The following EDNRB variants were observed in gnomAD, a reference collection of about 807,000 sequenced individuals.
EDNRB encodes the protein endothelin receptor type B, also known as Hirschsprung disease 2.
A neutral mutation model predicts 46.4 loss-of-function variants in EDNRB; 18 were observed. The ratio of observed to expected loss-of-function variants is 0.39; its 90% confidence interval spans 0.27 to 0.57. EDNRB has a LOEUF of 0.57. EDNRB is among the 20% of genes least tolerant of loss of function. The pLI is 0.61. For synonymous variants in EDNRB, 213 were observed against 204.9 expected, an observed-to-expected ratio of 1.04 and a Z score of -0.34; for missense variants, 434 against 537.5, an observed-to-expected ratio of 0.81 and a Z score of 1.90.
chr13:77,931,030 C>G (rs1369870025), intron 1 of EDNRB, among the ~76,000 whole-genome samples: 1 of 152,170 alleles, frequency 6.6e-6, no homozygotes, highest in African/African-American at 2.4e-5. Context: ...AACAGGAATT[C>G]GGTCTCCAGA....
At chr13:77,913,305 T>C (rs1403862192) in intron 1 of EDNRB, among the ~76,000 whole-genome samples, 1 of 152,138 alleles carries the variant, frequency 6.6e-6, no homozygotes, top group Non-Finnish European at 1.5e-5. Flanking sequence ...TCAGCAGTTT[T>C]GCCTTTCAGA....
At chr13:77,973,937 C>CTTT (rs56943468) in intron 1 of EDNRB, among the ~76,000 whole-genome samples, 1 of 143,398 alleles carries the variant, frequency 7.0e-6, no homozygotes, top group Non-Finnish European at 1.5e-5. Flanking sequence ...CCCTTTTTTC[C>CTTT]TTTTTTTTTT....
At chr13:77,905,843 G>A (rs1449441728) in intron 1 of EDNRB, among the ~76,000 whole-genome samples, 2 of 152,004 alleles carry the variant, frequency 1.3e-5, no homozygotes, top group Admixed American at 6.6e-5. Context: ...TACTAAAGCT[G>A]GAGAAGACTG....
chr13:77,934,404 G>A (rs1185521046), intron 1 of EDNRB, among the ~76,000 whole-genome samples: 4 of 152,092 alleles, frequency 2.6e-5, no homozygotes, highest in African/African-American at 9.7e-5. Flanking sequence ...TGGATACTAC[G>A]AGCCTGAAAA....
intron 1 of EDNRB, among the ~76,000 whole-genome samples, chr13:77,941,441 C>T (rs2876718): frequency 0.9 from 136,577 of 152,290 alleles, 61,311 homozygotes; most frequent in East Asian, 0.98. Flanking sequence ...GCCACAGTTA[C>T]TTGTATTGCA....
At chr13:77,969,165 AT>A (rs1455350357) in intron 1 of EDNRB, among the ~76,000 whole-genome samples, 4 of 152,276 alleles carry the variant, frequency 2.6e-5, no homozygotes, top group Non-Finnish European at 5.9e-5. Context: ...CATTGCCTCT[AT>A]TTTTTAAACA....
In EDNRB at chr13:77,933,889, G is replaced by A. The variant is rs529059201; in HGVS notation, c.-51-15265C>T. 1.2e-3 allele frequency among the ~76,000 whole-genome samples: 177 copies of A among 152,194 alleles called. 1 individual carries two copies. The highest frequency in any genetic ancestry group is 4.1e-3 in the African/African-American group (170 of 41,548). On this transcript the variant is annotated intron_variant, in intron 1 of 7. Transcript: ENST00000646948. The stretch of plus-strand genomic sequence containing the variant: ...GAATTATTGGTGATGGCCTGGGTAC[G>A]GTTTTGTATGAATTGAAAAACTAAA...
intron 1 of EDNRB, among the ~76,000 whole-genome samples, chr13:77,971,208 AAACTTC>A (rs1881719494): frequency 6.6e-6 from 1 of 152,228 alleles, no homozygotes. Context: ...AGGGTGTTGT[AAACTTC>A]AATGGTGATG....
chr13:77,918,054 C>G lies in EDNRB; in HGVS notation c.483+37G>C. On this transcript the variant is annotated intron_variant, in intron 1 of 6. Transcript: ENST00000646607. The surrounding 1 kb of genome is among the most constrained non-coding windows in gnomAD (Gnocchi z 4.5). Reference sequence around the variant, plus strand: ...TCCCCGTCTCCAACCAGGCCCCCTTCCTCAAGCCCACCATGATTTCAGCAG... The same window carrying G: ...TCCCCGTCTCCAACCAGGCCCCCTTGCTCAAGCCCACCATGATTTCAGCAG... 4 of 1,613,474 alleles carry G rather than the reference C, an allele frequency of 2.5e-6. No individual in the cohort carries two copies. Among genetic ancestry groups the G allele is most frequent in the Non-Finnish European group, 3.4e-6 (4 of 1,180,030 alleles).
chr13:77,899,655 G>A, intron 6 of EDNRB: 1 of 517,064 alleles, frequency 1.9e-6, no homozygotes, highest in South Asian at 2.1e-5. Flanking sequence ...AGGCAGTAGG[G>A]AGTGGCTGAC....
chr13:77,945,206 T>C (rs1188619477), intron 1 of EDNRB, among the ~76,000 whole-genome samples: 1 of 152,236 alleles, frequency 6.6e-6, no homozygotes, highest in Non-Finnish European at 1.5e-5. Context: ...CTGCTGATTT[T>C]ATTTTTAGTT....
intron 1 of EDNRB, among the ~76,000 whole-genome samples, chr13:77,910,740 G>A (rs1879525130): frequency 6.6e-6 from 1 of 152,000 alleles, no homozygotes; most frequent in South Asian, 2.1e-4. Flanking sequence ...TAAGTACAGT[G>A]CCCCCTAGAG....
chr13:77,943,659 A>T (rs2137667217), intron 1 of EDNRB, among the ~76,000 whole-genome samples: 1 of 152,098 alleles, frequency 6.6e-6, no homozygotes, highest in African/African-American at 2.4e-5. Flanking sequence ...AGCATTCTTG[A>T]CTTATGAAAT....
upstream of EDNRB, among the ~76,000 whole-genome samples, chr13:77,920,558 C>T (rs555406488): frequency 6.6e-5 from 10 of 152,250 alleles, no homozygotes; most frequent in East Asian, 9.7e-4. Flanking sequence ...GGATTTTTGG[C>T]TCTTAGGCAA....
intron 1 of EDNRB, among the ~76,000 whole-genome samples, chr13:77,906,305 A>T (rs1056938968): frequency 4.3e-4 from 66 of 152,080 alleles, no homozygotes; most frequent in African/African-American, 1.4e-3. Context: ...AAGAATAAAA[A>T]TTATCCAACT....
At position 77,918,527 on chromosome 13, in the gene EDNRB, A is replaced by G; in HGVS notation, c.47T>C (p.Val16Ala). ...SLCGRALVAL[V>A]LACGLSRIWG... ...GATCCGCGACAGGCCGCAGGCAAGAACCAGCGCAACCAGGGCGCGTCCGCA... is the reference window on the plus strand; with the variant it reads ...GATCCGCGACAGGCCGCAGGCAAGAGCCAGCGCAACCAGGGCGCGTCCGCA... The change falls in exon 1 of 7, where the codon GTT becomes GCT. Residue 16 changes from valine to alanine, a missense_variant. Val to Ala is a moderately conservative substitution (Grantham distance 64, BLOSUM62 0). Transcript: ENST00000646607. The surrounding 1 kb of genome is among the most constrained non-coding windows in gnomAD (Gnocchi z 4.5). The G allele has an allele frequency of 6.3e-7, 1 of 1,591,490 alleles. No homozygotes were observed. The highest frequency in any genetic ancestry group is 1.2e-5 in the South Asian group (1 of 86,722).
chr13:77,923,284 A>G (rs773330025), upstream of EDNRB, among the ~76,000 whole-genome samples: 1 of 152,206 alleles, frequency 6.6e-6, no homozygotes, highest in Non-Finnish European at 1.5e-5. Flanking sequence ...TAATTTTTAT[A>G]TTCCTTTCTT....
At chr13:77,915,818 T>G (rs917974620) in intron 1 of EDNRB, among the ~76,000 whole-genome samples, 1 of 152,236 alleles carries the variant, frequency 6.6e-6, no homozygotes, top group Non-Finnish European at 1.5e-5. Flanking sequence ...GACAGATTTA[T>G]AATGACTCAT....
chr13:77,906,233 C>T (rs1039021492), intron 1 of EDNRB, among the ~76,000 whole-genome samples: 16 of 151,952 alleles, frequency 1.1e-4, no homozygotes, highest in South Asian at 4.1e-4. Flanking sequence ...CAGTGCACCA[C>T]AGGTCTGAAC....
Sources: allele counts gnomAD v4.1 joint callset (sites outside exome capture counted in the v4.1 genomes callset), GRCh38; gene constraint gnomAD v4.1.1; non-coding constraint Gnocchi (gnomAD v3.1); transcripts MANE v1.5; gene names NCBI Gene and HGNC (gene_info 2026-07-23, HGNC 2026-07-21).